The following EYS variants were observed in gnomAD, a reference collection of about 807,000 sequenced individuals.
EYS encodes protein eyes shut homolog.
EYS carries 250 observed loss-of-function variants against 282.1 expected under a neutral mutation model. The observed-to-expected ratio is 0.89, with a 90% CI of 0.80 to 0.98. EYS has a LOEUF of 0.98. Ranked by LOEUF, EYS falls within the 50% of genes least tolerant of loss-of-function variation. EYS has a pLI of 0.00. For missense variants in EYS, 4,016 were observed against 3,709.0 expected (o/e 1.08, Z -2.15); for synonymous variants, 1,355 against 1,282.9 (o/e 1.06, Z -1.20).
chr6:63,828,657 A>C (rs1317013479), intron 36 of EYS, among the ~76,000 whole-genome samples: 4 of 152,216 alleles, frequency 2.6e-5, no homozygotes, highest in African/African-American at 9.6e-5. Flanking sequence ...AAAATGGGCT[A>C]AGGACATGAA....
At chr6:63,756,169 A>T (rs187385646) in intron 41 of EYS, among the ~76,000 whole-genome samples, 8 of 152,306 alleles carry the variant, frequency 5.3e-5, no homozygotes, top group Non-Finnish European at 8.8e-5. Flanking sequence ...TATTATTTTA[A>T]CAGGAGTGGT....
At chr6:64,822,335 T>C (rs1476910102) in intron 20 of EYS, among the ~76,000 whole-genome samples, 1 of 152,006 alleles carries the variant, frequency 6.6e-6, no homozygotes, top group African/African-American at 2.4e-5. Flanking sequence ...GAGCAAATAA[T>C]AGAATGTCTC....
chr6:65,299,024 T>G (rs1768742589), intron 11 of EYS, among the ~76,000 whole-genome samples: 1 of 152,130 alleles, frequency 6.6e-6, no homozygotes, highest in South Asian at 2.1e-4. Flanking sequence ...ATAAATCCCT[T>G]GCAAAATTGG....
intron 31 of EYS, among the ~76,000 whole-genome samples, chr6:64,093,949 G>A (rs1772476886): frequency 6.6e-6 from 1 of 152,262 alleles, no homozygotes; most frequent in Admixed American, 6.5e-5. Flanking sequence ...ACTTTATTGA[G>A]AGTTTTTAGC....
intron 26 of EYS, among the ~76,000 whole-genome samples, chr6:64,559,483 A>G (rs756692645): frequency 2.0e-5 from 3 of 152,040 alleles, no homozygotes; most frequent in African/African-American, 7.2e-5. Flanking sequence ...TTATTTATTC[A>G]TATGTTAAAG....
chr6:64,959,688 ATT>A (rs1769848861), intron 14 of EYS, among the ~76,000 whole-genome samples: 1 of 152,114 alleles, frequency 6.6e-6, no homozygotes, highest in Non-Finnish European at 1.5e-5. Flanking sequence ...TTCTAAAATG[ATT>A]ATATTTTTAT....
At chr6:64,627,942 T>C (rs921552582) in intron 22 of EYS, among the ~76,000 whole-genome samples, 4 of 151,904 alleles carry the variant, frequency 2.6e-5, no homozygotes, top group Non-Finnish European at 5.9e-5. Flanking sequence ...TAGCCGGGCG[T>C]GGTGGCGGGC....
intron 13 of EYS, among the ~76,000 whole-genome samples, chr6:65,051,863 GATATATTAATAGGCA>G (rs1773279312): frequency 6.6e-6 from 1 of 151,448 alleles, no homozygotes; most frequent in Admixed American, 6.6e-5. Flanking sequence ...CAGTATCACT[GATATATTAATAGGCA>G]ATATTAATAT....
intron 31 of EYS, among the ~76,000 whole-genome samples, chr6:64,142,528 G>C (rs912186943): frequency 6.6e-6 from 1 of 152,096 alleles, no homozygotes; most frequent in Non-Finnish European, 1.5e-5. Context: ...GGGAAAACGA[G>C]AAGTATTTAA....
At chr6:64,105,205 A>T (rs1268579561) in intron 31 of EYS, among the ~76,000 whole-genome samples, 1 of 152,128 alleles carries the variant, frequency 6.6e-6, no homozygotes, top group African/African-American at 2.4e-5. Context: ...TGGAAGAATT[A>T]TAAACTAGAT....
chr6:64,951,217 T>C (rs549394186), intron 14 of EYS, among the ~76,000 whole-genome samples: 1 of 151,956 alleles, frequency 6.6e-6, no homozygotes, highest in African/African-American at 2.4e-5. Context: ...AAGATAAAAG[T>C]TGGAGTTTAG....
At chr6:64,384,905 T>C (rs1236171108) in intron 29 of EYS, among the ~76,000 whole-genome samples, 1 of 152,202 alleles carries the variant, frequency 6.6e-6, no homozygotes, top group Admixed American at 6.5e-5. Context: ...GATTAGGGAC[T>C]CTTATCATGT....
intron 14 of EYS, among the ~76,000 whole-genome samples, chr6:64,954,445 C>T (rs189356083): frequency 4.6e-5 from 7 of 152,112 alleles, no homozygotes; most frequent in African/African-American, 1.7e-4. Flanking sequence ...TAGTCTAATA[C>T]CCAAAGCTTT....
intron 37 of EYS, among the ~76,000 whole-genome samples, chr6:63,791,108 G>T (rs1363643853): frequency 6.6e-6 from 1 of 152,150 alleles, no homozygotes; most frequent in African/African-American, 2.4e-5. Flanking sequence ...GAGGAAGAGG[G>T]TTAGGAAAGC....
At chr6:63,979,260 A>G (rs1217005135) in intron 35 of EYS, among the ~76,000 whole-genome samples, 1 of 151,832 alleles carries the variant, frequency 6.6e-6, no homozygotes, top group Admixed American at 6.6e-5. Context: ...ACAATAGGAG[A>G]GTTAAGTTAT....
intron 35 of EYS, among the ~76,000 whole-genome samples, chr6:63,872,874 G>A (rs1772850432): frequency 6.6e-6 from 1 of 152,044 alleles, no homozygotes; most frequent in Admixed American, 6.5e-5. Flanking sequence ...ATTACTGTGT[G>A]GCTCTGTCTC....
rs553357433 is a variant in EYS at position 65,288,554 on chromosome 6, T to C, written c.2023+7309A>G. 7.9e-4 allele frequency among the ~76,000 whole-genome samples: 119 copies of C among 151,070 alleles called. 1 individual carries two copies. Among genetic ancestry groups the C allele is most frequent in the African/African-American group, 2.7e-3 (112 of 41,412 alleles). On this transcript the variant is annotated intron_variant, in intron 12 of 42. Coordinates refer to ENST00000503581, the MANE Select transcript of EYS (RefSeq NM_001142800.2). ...TGACCTCCTACCATCAAACATCTTTTAAGTATAAAGGTGAAAGAAAGAGGT... is the reference window on the plus strand; with the variant it reads ...TGACCTCCTACCATCAAACATCTTTCAAGTATAAAGGTGAAAGAAAGAGGT...
chr6:64,561,892 A>G (rs1191257243), intron 26 of EYS, among the ~76,000 whole-genome samples: 1 of 150,434 alleles, frequency 6.6e-6, no homozygotes, highest in Non-Finnish European at 1.5e-5. Flanking sequence ...ATTTTTTCAC[A>G]AAACTATTAT....
intron 28 of EYS, among the ~76,000 whole-genome samples, chr6:64,423,291 C>T (rs749102521): frequency 9.9e-5 from 15 of 152,202 alleles, no homozygotes; most frequent in Non-Finnish European, 1.8e-4. Context: ...ACATGCTATA[C>T]AGATTAATTT....
Sources: gnomAD v4.1 joint callset for allele counts (sites outside exome capture counted in the v4.1 genomes callset) on GRCh38, gnomAD v4.1.1 for gene constraint, MANE v1.5 for transcripts, NCBI Gene and HGNC (gene_info 2026-07-23, HGNC 2026-07-21) for gene names.